Variants in AFF3 observed in about 807,000 individuals in gnomAD.
AFF3 encodes the protein ALF transcription elongation factor 3.
Under a neutral mutation model 129.7 loss-of-function variants are expected in AFF3, and 32 were observed. That is an observed-to-expected ratio of 0.25 (90% CI 0.19 to 0.33). AFF3 has a LOEUF of 0.33. Among genes scored for constraint, AFF3 ranks in the 10% least tolerant of loss-of-function variants. The pLI, the probability that AFF3 is intolerant of heterozygous loss-of-function variation, is 1.00. For synonymous variants in AFF3, 644 were observed against 635.4 expected (o/e 1.01, Z -0.20); for missense variants, 1,373 against 1,592.0 (o/e 0.86, Z 2.34).
chr2:99,960,578 C>T (rs748364596), intron 7 of AFF3, among the ~76,000 whole-genome samples: 2 of 152,196 alleles, frequency 1.3e-5, no homozygotes, highest in Non-Finnish European at 2.9e-5. Context: ...AACACTTTCT[C>T]TTCTAACAAG....
At chr2:99,969,057 G>A (rs1428448382) in intron 7 of AFF3, among the ~76,000 whole-genome samples, 1 of 152,188 alleles carries the variant, frequency 6.6e-6, no homozygotes, top group Non-Finnish European at 1.5e-5. Flanking sequence ...CCACACTCCT[G>A]CTGTCCTCAT....
chr2:99,713,258 G>A (rs963498567), intron 11 of AFF3, among the ~76,000 whole-genome samples: 12 of 144,910 alleles, frequency 8.3e-5, no homozygotes, highest in African/African-American at 3.1e-4. Flanking sequence ...TGTGTATTCT[G>A]CCAGAGTTAA....
At chr2:99,756,233 G>A (rs1286789887) in intron 8 of AFF3, among the ~76,000 whole-genome samples, 2 of 152,180 alleles carry the variant, frequency 1.3e-5, no homozygotes, top group Non-Finnish European at 2.9e-5. Flanking sequence ...GTTTTTAAAG[G>A]CAATTGGGCA....
At chr2:99,862,037 T>C (rs1236332930) in intron 7 of AFF3, among the ~76,000 whole-genome samples, 1 of 152,138 alleles carries the variant, frequency 6.6e-6, no homozygotes, top group African/African-American at 2.4e-5. Context: ...AGTCTCCACA[T>C]TGGCCAAACT....
At chr2:99,599,540 G>A (rs887540155) in intron 14 of AFF3, among the ~76,000 whole-genome samples, 3 of 152,210 alleles carry the variant, frequency 2.0e-5, no homozygotes, top group Non-Finnish European at 4.4e-5. Flanking sequence ...ACAGGCATGA[G>A]CCACTGCGCC....
At chr2:99,875,647 G>A (rs1477503758) in intron 7 of AFF3, among the ~76,000 whole-genome samples, 2 of 152,248 alleles carry the variant, frequency 1.3e-5, no homozygotes, top group African/African-American at 4.8e-5. Flanking sequence ...ACCGGGCATG[G>A]CAAGTACTCA....
intron 4 of AFF3, among the ~76,000 whole-genome samples, chr2:100,046,035 A>G (rs1366822017): frequency 6.6e-6 from 1 of 152,200 alleles, no homozygotes; most frequent in Non-Finnish European, 1.5e-5. Flanking sequence ...AAGGGTCAAC[A>G]GCACACACTC....
At chr2:99,712,451 T>C (rs1677976947) in intron 11 of AFF3, among the ~76,000 whole-genome samples, 1 of 152,238 alleles carries the variant, frequency 6.6e-6, no homozygotes, top group Non-Finnish European at 1.5e-5. Context: ...GCTAGAAACA[T>C]GGCAGGGGCC....
chr2:99,698,997 G>A (rs1295452334), intron 11 of AFF3, among the ~76,000 whole-genome samples: 1 of 152,074 alleles, frequency 6.6e-6, no homozygotes, highest in Non-Finnish European at 1.5e-5. Context: ...AAGAAACTTT[G>A]GTAAACAGGG....
chr2:99,764,899 T>A lies in AFF3; in HGVS notation c.922-12598A>T, dbSNP rs150591356. Among the ~76,000 whole-genome samples the A allele has an allele frequency of 4.6e-4, 70 of 152,120 alleles. No homozygotes were observed. In the East Asian group the frequency reaches 0.012, roughly 25 times the overall value. ...CAATAATTGGCCTGATTTTAAATTT[T>A]AAAAATGCTTTTTTTGACAAGCAAA... On this transcript the variant is annotated intron_variant, in intron 8 of 24. Transcript: ENST00000672756.
intron 11 of AFF3, among the ~76,000 whole-genome samples, chr2:99,690,166 T>TATC (rs1675469978): frequency 7.7e-6 from 1 of 129,148 alleles, no homozygotes; most frequent in South Asian, 2.4e-4. Context: ...TTATTATTAT[T>TATC]ATTATTATTA....
intron 2 of AFF3, among the ~76,000 whole-genome samples, chr2:100,126,570 C>T (rs1346071990): frequency 6.6e-6 from 1 of 152,146 alleles, no homozygotes; most frequent in African/African-American, 2.4e-5. Flanking sequence ...CAAGAGTTCA[C>T]GTCGCTTTCT....
chr2:99,844,497 G>A (rs1224181896), intron 7 of AFF3, among the ~76,000 whole-genome samples: 1 of 131,022 alleles, frequency 7.6e-6, no homozygotes, highest in Non-Finnish European at 1.5e-5. Flanking sequence ...GAGCACAGTG[G>A]CGCCATCTCG....
intron 10 of AFF3, among the ~76,000 whole-genome samples, chr2:99,733,581 T>C (rs1318758867): frequency 6.6e-6 from 1 of 152,146 alleles, no homozygotes; most frequent in African/African-American, 2.4e-5. Context: ...CTTCTAAAAG[T>C]ATATACTTTT....
chr2:99,736,241 C>T (rs984102094), intron 10 of AFF3, among the ~76,000 whole-genome samples: 3 of 152,036 alleles, frequency 2.0e-5, no homozygotes, highest in Admixed American at 1.3e-4. Flanking sequence ...AATACATTTC[C>T]CCTTGTAATT....
chr2:100,031,265 G>C (rs1684465828), intron 4 of AFF3, among the ~76,000 whole-genome samples: 1 of 152,188 alleles, frequency 6.6e-6, no homozygotes, highest in South Asian at 2.1e-4. Flanking sequence ...TAAATAGATG[G>C]TGAATAATGG....
intron 8 of AFF3, among the ~76,000 whole-genome samples, chr2:99,782,669 T>A (rs1684500613): frequency 6.6e-6 from 1 of 152,210 alleles, no homozygotes; most frequent in Non-Finnish European, 1.5e-5. Context: ...TTTGACCACT[T>A]TGACTGGTAA....
chr2:100,043,437 T>C (rs369628866), intron 4 of AFF3, among the ~76,000 whole-genome samples: 2 of 152,290 alleles, frequency 1.3e-5, no homozygotes, highest in South Asian at 4.1e-4. Context: ...CTTTGCTATA[T>C]ATAAGGACGG....
At chr2:99,597,945 C>T (rs1679451632) in intron 14 of AFF3, among the ~76,000 whole-genome samples, 1 of 152,220 alleles carries the variant, frequency 6.6e-6, no homozygotes, top group Non-Finnish European at 1.5e-5. Context: ...TGCCATGGAC[C>T]TCGTAGGCAC....
Sources: gnomAD v4.1 joint callset for allele counts (sites outside exome capture counted in the v4.1 genomes callset) on GRCh38, gnomAD v4.1.1 for gene constraint, MANE v1.5 for transcripts, NCBI Gene and HGNC (gene_info 2026-07-23, HGNC 2026-07-21) for gene names.